NPIPB8: variants seen among roughly 807,000 people sequenced by gnomAD.
The protein encoded by NPIPB8 is nuclear pore complex-interacting protein family member B8.
NPIPB8 carries 3 observed loss-of-function variants against 5.3 expected under a neutral mutation model. The ratio of observed to expected loss-of-function variants is 0.57; its 90% CI spans 0.26 to 1.47. The LOEUF is 1.47. NPIPB8 is among the 40% of genes most tolerant of loss of function. The probability of loss-of-function intolerance (pLI) is 0.13; values close to 1 mark genes in which losing one functional copy is unlikely to be tolerated. For missense variants in NPIPB8, 50 were observed against 50.2 expected (o/e 1.00, Z 0.01); for synonymous variants, 18 against 23.0 (o/e 0.78, Z 0.62).
chr16:28,639,749 C>G (rs3987668), intron 2 of NPIPB8, among the ~76,000 whole-genome samples: 5,828 of 146,418 alleles, frequency 0.04, 159 homozygotes, highest in Middle Eastern at 0.063. Flanking sequence ...CGCTACACCC[C>G]GTCCAAGATA....
At chr16:28,641,212 A>G (rs3874735) in intron 2 of NPIPB8, among the ~76,000 whole-genome samples, 1 of 151,704 alleles carries the variant, frequency 6.6e-6, no homozygotes, top group Non-Finnish European at 1.5e-5. Flanking sequence ...GAGATGCTCC[A>G]TGAGGCCCCA....
At chr16:28,644,310 C>T (rs2047956002) in intron 2 of NPIPB8, among the ~76,000 whole-genome samples, 1 of 114,982 alleles carries the variant, frequency 8.7e-6, no homozygotes, top group African/African-American at 4.0e-5. Flanking sequence ...CGCTTGAGAA[C>T]TTAATTTGAA....
chr16:28,645,148 A>G (rs1312261817), intron 2 of NPIPB8, among the ~76,000 whole-genome samples: 2 of 134,028 alleles, frequency 1.5e-5, no homozygotes, highest in South Asian at 2.3e-4. Context: ...GGTTCAAGCA[A>G]TTGTCCTGCC....
intron 2 of NPIPB8, among the ~76,000 whole-genome samples, chr16:28,643,313 A>T: frequency 7.5e-6 from 1 of 132,724 alleles, no homozygotes; most frequent in Non-Finnish European, 1.6e-5. Flanking sequence ...GGACATCATC[A>T]CTCGGTTTCG....
At position 28,638,516 on chromosome 16, in the gene NPIPB8, T is replaced by G. The variant is rs778523818; in HGVS notation, c.120+36T>G. Reference sequence around the variant, plus strand: ...GCAGACAAGATGGGGCCTGGTGCCCTTGAGCAGTTCCCGGGTCTCAGCTGC... The same window carrying G: ...GCAGACAAGATGGGGCCTGGTGCCCGTGAGCAGTTCCCGGGTCTCAGCTGC... On this transcript the variant is annotated intron_variant, in intron 2 of 7. Transcript: ENST00000683297. 2.6e-6 allele frequency: 4 copies of G among 1,524,434 alleles called. No individual in the cohort carries two copies. The Admixed American group carries it at 7.6e-5, about 29-fold the overall frequency. The allele number at this position is 1,524,434 out of a possible 1,614,324, so 94.4% of individuals were successfully genotyped here.
At chr16:28,641,479 T>G (rs2151746589) in intron 2 of NPIPB8, among the ~76,000 whole-genome samples, 1 of 141,906 alleles carries the variant, frequency 7.0e-6, no homozygotes. Context: ...GACCCAGGAG[T>G]CCTACCACTC....
chr16:28,653,720 CGGGTCCTCCATACA>C, intron 5 of NPIPB8, among the ~76,000 whole-genome samples: 1 of 105,020 alleles, frequency 9.5e-6, no homozygotes, highest in Non-Finnish European at 1.9e-5. Context: ...GGGATGGTCA[CGGGTCCTCCATACA>C]GGCTGCAATT....
chr16:28,652,608 CTT>C (rs1244712450), intron 5 of NPIPB8, among the ~76,000 whole-genome samples: 7 of 74,422 alleles, frequency 9.4e-5, no homozygotes, highest in African/African-American at 3.5e-4. Flanking sequence ...TCCTTTCTCT[CTT>C]TTTTTTTTTT....
chr16:28,643,042 G>A (rs901790161), intron 2 of NPIPB8, among the ~76,000 whole-genome samples: 6 of 151,922 alleles, frequency 3.9e-5, no homozygotes, highest in Admixed American at 1.3e-4. Context: ...AGACAGTGGG[G>A]GTCTGTCCTG....
intron 2 of NPIPB8, among the ~76,000 whole-genome samples, chr16:28,642,024 A>G (rs1305303417): frequency 6.6e-6 from 1 of 150,890 alleles, no homozygotes; most frequent in Non-Finnish European, 1.5e-5. Flanking sequence ...ACTCTCTGCC[A>G]TTCACTTTTG....
rs1257797551 is a variant in NPIPB8 at position 28,638,393 on chromosome 16, G to T, written c.33G>T (p.Gln11His). Residue 11 changes from glutamine to histidine, a missense_variant, in exon 2 of 8, where the codon CAG (glutamine) becomes CAT (histidine). By Grantham distance (24) the Gln-to-His change is conservative. Coordinates refer to ENST00000683297, the MANE Select transcript of NPIPB8 (RefSeq NM_001310136.2). MVKLSIVLTPQFLSHDQGQLT... is the reference protein window; with the variant it reads MVKLSIVLTPHFLSHDQGQLT... ...AGCTCTCTATTGTCCTGACCCCACA[G>T]TTCCTGTCCCATGACCAGGGCCAGC... The T allele has an allele frequency of 3.2e-6, 5 of 1,570,694 alleles. No homozygotes were observed. The highest frequency in any genetic ancestry group is 3.4e-6 in the Non-Finnish European group (4 of 1,165,668).
intron 2 of NPIPB8, among the ~76,000 whole-genome samples, chr16:28,642,687 T>C (rs2047925160): frequency 6.6e-6 from 1 of 150,932 alleles, no homozygotes; most frequent in Admixed American, 6.6e-5. Context: ...TTTCACCATA[T>C]TGGCCAGGCT....
In NPIPB8 at chr16:28,652,872, G is replaced by A. The variant is rs1292573393; in HGVS notation, c.599+508G>A. Among the ~76,000 whole-genome samples the A allele has an allele frequency of 2.2e-5, 3 of 135,200 alleles. No homozygotes were observed. In the East Asian group the frequency reaches 6.0e-4, roughly 27 times the overall value. 88.7% of individuals were successfully genotyped at this position (135,200 alleles called of 152,430 possible). A position where few individuals can be genotyped will look rare whatever the true frequency, so the allele number is the denominator to read the frequency against. On this transcript the variant is annotated intron_variant, in intron 5 of 7. Coordinates refer to ENST00000683297, the MANE Select transcript of NPIPB8 (RefSeq NM_001310136.2). ...CTGCCTCAGCCTCCCAAAGTGCTGG[G>A]ATTAGAGGTGTGAGCCACCACACCC...
At chr16:28,641,555 T>G (rs1454380862) in intron 2 of NPIPB8, among the ~76,000 whole-genome samples, 1 of 141,426 alleles carries the variant, frequency 7.1e-6, no homozygotes, top group Non-Finnish European at 1.6e-5. Flanking sequence ...CCTTCTGGCC[T>G]TCCCTCATCA....
At chr16:28,652,522 T>C (rs1240371148) in intron 5 of NPIPB8, among the ~76,000 whole-genome samples, 158 bp downstream of exon 5, 1 of 99,982 alleles carries the variant, frequency 1.0e-5, no homozygotes, top group African/African-American at 4.5e-5. Flanking sequence ...TTAAGCTGTA[T>C]AATTCCTTTC....
In NPIPB8 at chr16:28,639,371, A is replaced by G. The variant is rs1393637334; in HGVS notation, c.120+891A>G. On this transcript the variant is annotated intron_variant, in intron 2 of 7. Transcript: ENST00000683297. ...TTTTAAAATAATAATCTCAAAAATG[A>G]TCTTTTATTTTTGAGATTTATATAG... Among the ~76,000 whole-genome samples the G allele has an allele frequency of 4.0e-5, 6 of 149,458 alleles. No individual in the cohort carries two copies. The Admixed American group carries it at 4.0e-4, about 10-fold the overall frequency.
chr16:28,639,741 C>T (rs570166323), intron 2 of NPIPB8, among the ~76,000 whole-genome samples: 1 of 149,752 alleles, frequency 6.7e-6, no homozygotes, highest in East Asian at 1.9e-4. Flanking sequence ...GTGTGAGCCG[C>T]TACACCCCGT....
Position 28,638,210 on chromosome 16 carries a change from T to C in NPIPB8, c.-39+60T>C. On this transcript the variant is annotated intron_variant, in intron 1 of 7. Coordinates refer to ENST00000683297, the MANE Select transcript of NPIPB8 (RefSeq NM_001310136.2). Reference sequence around the variant, plus strand: ...AGTAGAAATTCAAAGTACAGGAATTTGAACTTGGTTCTGTCCTTTTCTGAA... The same window carrying C: ...AGTAGAAATTCAAAGTACAGGAATTCGAACTTGGTTCTGTCCTTTTCTGAA... 2.9e-6 allele frequency: 4 copies of C among 1,367,356 alleles called. No homozygotes were observed. In the South Asian group the frequency reaches 5.7e-5, roughly 19 times the overall value. The allele number at this position is 1,367,356 out of a possible 1,614,324, so 84.7% of individuals were successfully genotyped here. A position where few individuals can be genotyped will look rare whatever the true frequency, so the allele number is the denominator to read the frequency against.
intron 2 of NPIPB8, among the ~76,000 whole-genome samples, chr16:28,642,348 C>T (rs2151748954): frequency 6.6e-6 from 1 of 152,232 alleles, no homozygotes; most frequent in Non-Finnish European, 1.5e-5. Context: ...TTGTGATCCA[C>T]CTACCTCAGC....
Sources: gnomAD v4.1 joint callset for allele counts (sites outside exome capture counted in the v4.1 genomes callset) on GRCh38, gnomAD v4.1.1 for gene constraint, MANE v1.5 for transcripts, NCBI Gene and HGNC (gene_info 2026-07-23, HGNC 2026-07-21) for gene names.